The following RYR2 variants were observed in gnomAD, a reference collection of about 807,000 sequenced individuals.
The protein encoded by RYR2 is cardiac muscle ryanodine receptor-calcium release channel.
In RYR2, 227 loss-of-function variants were observed where a neutral mutation model predicts 601.1. That is an observed-to-expected ratio of 0.38 (90% CI 0.34 to 0.42). RYR2 has a LOEUF of 0.42. RYR2 is among the 10% of genes least tolerant of loss of function. The pLI, the probability that RYR2 is intolerant of heterozygous loss-of-function variation, is 1.00. For synonymous variants in RYR2, 2,223 were observed against 2,175.1 expected, an observed-to-expected ratio of 1.02 and a Z score of -0.61; for missense variants, 4,646 against 6,156.5, an observed-to-expected ratio of 0.75 and a Z score of 8.21.
chr1:237,790,233 G>A (rs1253597242), intron 92 of RYR2, among the ~76,000 whole-genome samples: 1 of 152,016 alleles, frequency 6.6e-6, no homozygotes, highest in African/African-American at 2.4e-5. Flanking sequence ...TAGTTGCTGA[G>A]GCTCCCAAAT....
chr1:237,110,319 G>A (rs1025284721), intron 1 of RYR2, among the ~76,000 whole-genome samples: 1 of 151,700 alleles, frequency 6.6e-6, no homozygotes, highest in Non-Finnish European at 1.5e-5. Context: ...CAATGTGCAG[G>A]TTAGTTACAT....
At chr1:237,357,914 T>C (rs1699439852) in intron 4 of RYR2, among the ~76,000 whole-genome samples, 2 of 152,234 alleles carry the variant, frequency 1.3e-5, no homozygotes, top group Non-Finnish European at 2.9e-5. Context: ...TGCTGGGTTT[T>C]AGAACACGGA....
In RYR2 at chr1:237,488,793, T is replaced by G. The variant is rs914171532; in HGVS notation, c.1709-3013T>G. ...AGAACTAATGATAATCCCACCATCC[T>G]TCGCTGACTCCTTTTTCAGACTCAG... On this transcript the variant is annotated intron_variant, in intron 17 of 104. Coordinates refer to ENST00000366574, the MANE Select transcript of RYR2 (RefSeq NM_001035.3). 1.8e-4 allele frequency among the ~76,000 whole-genome samples: 28 copies of G among 152,298 alleles called. 1 individual carries two copies. Among genetic ancestry groups the G allele is most frequent in the Middle Eastern group, 6.8e-3 (2 of 294 alleles).
intron 1 of RYR2, among the ~76,000 whole-genome samples, chr1:237,220,055 T>C (rs796978263): frequency 2.0e-5 from 3 of 152,368 alleles, no homozygotes; most frequent in African/African-American, 7.2e-5. Flanking sequence ...ACAGCTACTC[T>C]GATGGCCAGT....
intron 63 of RYR2, among the ~76,000 whole-genome samples, chr1:237,698,542 G>A (rs774925124): frequency 1.3e-5 from 2 of 152,068 alleles, no homozygotes; most frequent in Non-Finnish European, 2.9e-5. Context: ...TAAGAAAGCA[G>A]AATTTTTGGT....
chr1:237,597,373 C>G lies in RYR2; in HGVS notation c.4596+1716C>G, dbSNP rs1676007430. ...CTTGGCTCACTGCAACCTCTGCCTT[C>G]TGGGTTCAAGCAATTCTCATGCCTC... On this transcript the variant is annotated intron_variant, in intron 34 of 104. Coordinates refer to ENST00000366574, the MANE Select transcript of RYR2 (RefSeq NM_001035.3). Among the ~76,000 whole-genome samples the G allele has an allele frequency of 4.6e-5, 7 of 150,824 alleles. No homozygotes were observed. In the South Asian group the frequency reaches 1.1e-3, roughly 23 times the overall value.
chr1:237,716,639 C>G (rs1689286388), intron 71 of RYR2, among the ~76,000 whole-genome samples: 1 of 152,222 alleles, frequency 6.6e-6, no homozygotes, highest in South Asian at 2.1e-4. Context: ...ATTTATGAAA[C>G]TCCAATGAGT....
intron 10 of RYR2, among the ~76,000 whole-genome samples, chr1:237,391,431 G>A (rs912604748): frequency 1.3e-5 from 2 of 152,056 alleles, no homozygotes; most frequent in African/African-American, 4.8e-5. Context: ...TTATGATCTG[G>A]CTATACTCAT....
At chr1:237,662,135 G>C (rs1683861758) in intron 56 of RYR2, among the ~76,000 whole-genome samples, 1 of 151,634 alleles carries the variant, frequency 6.6e-6, no homozygotes, top group East Asian at 1.9e-4. Flanking sequence ...AAATAAATTT[G>C]ACCTTGGTCA....
intron 1 of RYR2, among the ~76,000 whole-genome samples, chr1:237,053,402 G>A (rs2148162275): frequency 6.6e-6 from 1 of 152,304 alleles, no homozygotes; most frequent in Non-Finnish European, 1.5e-5. Flanking sequence ...TTTGTGACAG[G>A]GAAGGGGCCA....
intron 27 of RYR2, among the ~76,000 whole-genome samples, chr1:237,557,981 C>T (rs1559024080): frequency 6.6e-6 from 1 of 152,024 alleles, no homozygotes; most frequent in African/African-American, 2.4e-5. Flanking sequence ...TAGAGAGAAA[C>T]AGAGGGTTAA....
In RYR2 at chr1:237,696,110, C is replaced by T. The variant is rs539335004; in HGVS notation, c.9068-2855C>T. Among the ~76,000 whole-genome samples, 6 of 152,284 alleles carry T rather than the reference C, an allele frequency of 3.9e-5. No individual in the cohort carries two copies. The South Asian group carries it at 1.2e-3, about 32-fold the overall frequency. ...CAAACAAAAATCCCAGCCTGCCAGG[C>T]TTATATTAATAGAAGTTTAAAGTAT... On this transcript the variant is annotated intron_variant, in intron 63 of 104. Transcript: ENST00000366574.
chr1:237,125,548 A>G (rs1671318518), intron 1 of RYR2, among the ~76,000 whole-genome samples: 1 of 152,182 alleles, frequency 6.6e-6, no homozygotes, highest in African/African-American at 2.4e-5. Context: ...TTTTGGAGAG[A>G]TGAAAATTTA....
Position 237,723,152 on chromosome 1 carries a change from C to A in RYR2, c.10579C>A (p.Gln3527Lys). Residue 3527 changes from glutamine (Q) to lysine (K), a missense_variant, in exon 74 of 105, where the codon CAA becomes AAA. Gln to Lys is a moderately conservative substitution (Grantham distance 53). Transcript: ENST00000366574. ...GTTGGAGGATCCTGCTATTAGATGG[C>A]AAATGGCTCTTTACAAAGACTTACC... Reference protein sequence around the residue: ...GKLEDPAIRWQMALYKDLPNR... With the variant: ...GKLEDPAIRWKMALYKDLPNR... 2 of 1,610,514 alleles carry A rather than the reference C, an allele frequency of 1.2e-6. No individual in the cohort carries two copies. The highest frequency in any genetic ancestry group is 1.7e-6 in the Non-Finnish European group (2 of 1,178,516).
At chr1:237,211,837 AT>A (rs1682615406) in intron 1 of RYR2, among the ~76,000 whole-genome samples, 1 of 152,120 alleles carries the variant, frequency 6.6e-6, no homozygotes, top group East Asian at 1.9e-4. Flanking sequence ...AGCATGATTT[AT>A]TTACTCCTGA....
At chr1:237,268,468 G>A (rs1689292177) in intron 1 of RYR2, among the ~76,000 whole-genome samples, 1 of 152,086 alleles carries the variant, frequency 6.6e-6, no homozygotes, top group Non-Finnish European at 1.5e-5. Context: ...CCATCCTATG[G>A]GAATAATGCT....
intron 2 of RYR2, among the ~76,000 whole-genome samples, chr1:237,302,910 T>C (rs1233409476): frequency 6.6e-6 from 1 of 152,242 alleles, no homozygotes; most frequent in Non-Finnish European, 1.5e-5. Flanking sequence ...TACTGTCATA[T>C]TGCCCTTCAG....
At chr1:237,510,336 G>A (rs1665760360) in intron 23 of RYR2, among the ~76,000 whole-genome samples, 1 of 152,172 alleles carries the variant, frequency 6.6e-6, no homozygotes, top group South Asian at 2.1e-4. Flanking sequence ...GATGGTGTTG[G>A]TTATTCTGGT....
intron 49 of RYR2, among the ~76,000 whole-genome samples, 180 bp from the exon 50 acceptor site, chr1:237,649,697 G>T (rs1682530273): frequency 6.6e-6 from 1 of 152,164 alleles, no homozygotes; most frequent in Non-Finnish European, 1.5e-5. Context: ...ATAGTTGATT[G>T]TTTTTAGTGG....
Sources: allele counts gnomAD v4.1 joint callset (sites outside exome capture counted in the v4.1 genomes callset), GRCh38; gene constraint gnomAD v4.1.1; transcripts MANE v1.5; gene names NCBI Gene and HGNC (gene_info 2026-07-23, HGNC 2026-07-21).